Variants in FILIP1L observed in about 807,000 individuals in gnomAD.
The protein encoded by FILIP1L is filamin A-interacting protein 1-like.
In FILIP1L, 55 loss-of-function variants were observed where a neutral mutation model predicts 96.6. That is an observed-to-expected ratio of 0.57 (90% confidence interval 0.46 to 0.71). The LOEUF (loss-of-function observed/expected upper bound fraction) is 0.71. Among genes scored for constraint, FILIP1L ranks in the 30% least tolerant of loss-of-function variants. The pLI is 0.00. For missense variants in FILIP1L, 1,304 were observed against 1,321.2 expected, an observed-to-expected ratio of 0.99 and a Z score of 0.20; for synonymous variants, 467 against 473.9, an observed-to-expected ratio of 0.99 and a Z score of 0.19.
intron 1 of FILIP1L, among the ~76,000 whole-genome samples, chr3:100,089,615 G>T (rs927234206): frequency 1.3e-5 from 2 of 152,092 alleles, no homozygotes. Flanking sequence ...TTCCCATTAT[G>T]GTTCTTTATA....
intron 1 of FILIP1L, among the ~76,000 whole-genome samples, chr3:100,026,138 G>C (rs2064916355): frequency 6.6e-6 from 1 of 152,164 alleles, no homozygotes; most frequent in African/African-American, 2.4e-5. Flanking sequence ...TCTGTATCAG[G>C]ATGCTGTCAA....
At chr3:99,896,238 G>A (rs189156944) in intron 4 of FILIP1L, among the ~76,000 whole-genome samples, 57 of 152,288 alleles carry the variant, frequency 3.7e-4, no homozygotes, top group African/African-American at 1.2e-3. Context: ...CAAATAAGTG[G>A]CAACATATGT....
intron 5 of FILIP1L, among the ~76,000 whole-genome samples, chr3:99,836,602 A>T (rs1942908012): frequency 6.6e-6 from 1 of 152,194 alleles, no homozygotes. Flanking sequence ...TCCCTTTCCC[A>T]GAGCCTGAGA....
At chr3:99,911,681 T>A (rs1438799147) in intron 4 of FILIP1L, among the ~76,000 whole-genome samples, 2 of 152,190 alleles carry the variant, frequency 1.3e-5, no homozygotes. Context: ...ACCTTCACAT[T>A]CGCTCCCTGC....
intron 4 of FILIP1L, among the ~76,000 whole-genome samples, chr3:99,896,603 A>G (rs1039315512): frequency 6.6e-6 from 1 of 152,192 alleles, no homozygotes; most frequent in African/African-American, 2.4e-5. Flanking sequence ...GTTAACAACA[A>G]CTATTTTGAT....
chr3:99,933,843 C>T (rs1484549617), intron 1 of FILIP1L, among the ~76,000 whole-genome samples: 1 of 152,166 alleles, frequency 6.6e-6, no homozygotes, highest in African/African-American at 2.4e-5. Flanking sequence ...CTGGCTTGCT[C>T]CTTTTACTTT....
chr3:99,983,751 G>T (rs1006740185), intron 1 of FILIP1L, among the ~76,000 whole-genome samples: 4 of 150,440 alleles, frequency 2.7e-5, no homozygotes, highest in Non-Finnish European at 4.4e-5. Flanking sequence ...GTTTCCAACT[G>T]TTCAGACCCC....
At chr3:99,831,956 G>A (rs2107485491) in intron 5 of FILIP1L, among the ~76,000 whole-genome samples, 1 of 152,250 alleles carries the variant, frequency 6.6e-6, no homozygotes, top group East Asian at 1.9e-4. Context: ...GTGAAAGGCC[G>A]AGACAGATTG....
At chr3:99,845,821 T>C (rs554002705) in intron 5 of FILIP1L, among the ~76,000 whole-genome samples, 1 of 152,180 alleles carries the variant, frequency 6.6e-6, no homozygotes, top group Non-Finnish European at 1.5e-5. Flanking sequence ...TTTATTTTGA[T>C]GCTGATACAA....
intron 1 of FILIP1L, among the ~76,000 whole-genome samples, chr3:100,059,671 A>G (rs2065526417): frequency 6.6e-6 from 1 of 152,154 alleles, no homozygotes; most frequent in South Asian, 2.1e-4. Context: ...TACTGTAATG[A>G]AAAGGACCCA....
chr3:99,938,070 T>C (rs1707738634), intron 1 of FILIP1L, among the ~76,000 whole-genome samples: 1 of 96,942 alleles, frequency 1.0e-5, no homozygotes, highest in Admixed American at 1.0e-4. Context: ...TGTGTGTGTG[T>C]GTGTGCGCGC....
At chr3:100,034,403 T>G (rs1355448764) in intron 1 of FILIP1L, among the ~76,000 whole-genome samples, 2 of 152,240 alleles carry the variant, frequency 1.3e-5, no homozygotes, top group Non-Finnish European at 2.9e-5. Flanking sequence ...TATGGCCAGA[T>G]GTAATGGAAA....
chr3:99,904,416 T>A (rs1283545213), intron 4 of FILIP1L, among the ~76,000 whole-genome samples: 1 of 152,232 alleles, frequency 6.6e-6, no homozygotes, highest in East Asian at 1.9e-4. Context: ...AGGCAGTGTT[T>A]TCAGCCCTAG....
In FILIP1L at chr3:99,929,984, G is replaced by A. The variant is rs771245827; in HGVS notation, c.298C>T (p.Leu100=). ...CCATACTGAGCTTCCAGCAAAGCCA[G>A]GTCCATTTTTTCAGCCTTTAAAATG... ...IGILKAEKMD[L]ALLEAQYGFV... is the part of the protein sequence containing the mutation. The change falls in exon 3 of 6, where the codon CTG becomes TTG. Residue 100 remains leucine, a synonymous_variant. Coordinates refer to ENST00000477258, the MANE Select transcript of FILIP1L (RefSeq NM_001387850.1). 17 of 1,613,890 alleles carry A rather than the reference G, an allele frequency of 1.1e-5. No individual in the cohort carries two copies. The South Asian group carries it at 1.5e-4, about 15-fold the overall frequency.
At chr3:99,925,531 C>T (rs1032652951) in intron 3 of FILIP1L, among the ~76,000 whole-genome samples, 2 of 152,156 alleles carry the variant, frequency 1.3e-5, no homozygotes, top group African/African-American at 4.8e-5. Flanking sequence ...TTTGGTCACA[C>T]ATCTGCCTTT....
chr3:99,935,083 TTAAG>T (rs1474079359), intron 1 of FILIP1L, among the ~76,000 whole-genome samples: 1 of 152,150 alleles, frequency 6.6e-6, no homozygotes, highest in East Asian at 1.9e-4. Context: ...TGAGAAATAA[TTAAG>T]TATCTAGAGG....
intron 1 of FILIP1L, among the ~76,000 whole-genome samples, chr3:99,994,269 T>C (rs756712144): frequency 1.3e-5 from 2 of 152,188 alleles, no homozygotes; most frequent in African/African-American, 2.4e-5. Context: ...AAGAGATAGA[T>C]GGCAATACAA....
At chr3:99,947,952 A>T (rs1409755584) in intron 1 of FILIP1L, among the ~76,000 whole-genome samples, 2 of 152,360 alleles carry the variant, frequency 1.3e-5, no homozygotes, top group South Asian at 2.1e-4. Context: ...AGACTTGAAT[A>T]AAAAATATGA....
At position 99,848,716 on chromosome 3, in the gene FILIP1L, G is replaced by C. The variant is rs763504293; in HGVS notation, c.2960C>G (p.Pro987Arg). 3.7e-6 allele frequency: 6 copies of C among 1,614,202 alleles called. No individual in the cohort carries two copies. Among genetic ancestry groups the C allele is most frequent in the Non-Finnish European group, 4.2e-6 (5 of 1,180,024 alleles). ...TMATFARAQT[P>R]ESCGSLTPER... ...TGGAGTTAGAGAACCACAAGACTCT[G>C]GGGTCTGTGCTCTGGCAAAGGTTGC... The change falls in exon 5 of 6, where the codon CCA becomes CGA. Residue 987 changes from proline to arginine, a missense_variant. By Grantham distance (103) the Pro-to-Arg change is moderately radical. Transcript: ENST00000477258.
Sources: allele counts gnomAD v4.1 joint callset (sites outside exome capture counted in the v4.1 genomes callset), GRCh38; gene constraint gnomAD v4.1.1; transcripts MANE v1.5; gene names NCBI Gene and HGNC (gene_info 2026-07-23, HGNC 2026-07-21).